RPS6KC1: variants seen among roughly 807,000 people sequenced by gnomAD.
RPS6KC1 encodes ribosomal protein S6 kinase C1, also known as inactive ribosomal protein S6 kinase delta-1.
Under a neutral mutation model 103.8 loss-of-function variants are expected in RPS6KC1, and 54 were observed. The ratio of observed to expected loss-of-function variants is 0.52; its 90% CI spans 0.42 to 0.65. The LOEUF (loss-of-function observed/expected upper bound fraction) is 0.65, where lower values mean the gene tolerates loss of function less well. Ranked by LOEUF, RPS6KC1 falls within the 30% of genes least tolerant of loss-of-function variation. The pLI is 0.00. For synonymous variants in RPS6KC1, 439 were observed against 438.7 expected, an observed-to-expected ratio of 1.00 and a Z score of -0.01; for missense variants, 1,151 against 1,253.8, an observed-to-expected ratio of 0.92 and a Z score of 1.24.
At chr1:213,591,205 G>A in the RPS6KC1 span, among the ~76,000 whole-genome samples, 1 of 152,176 alleles carries the variant, frequency 6.6e-6, no homozygotes, top group Admixed American at 6.5e-5. Context: ...CATCACCTGT[G>A]TGCTGAGCAT....
chr1:213,161,665 TAAC>T lies in RPS6KC1; in HGVS notation c.836-6191_836-6189del, dbSNP rs555243273. Among the ~76,000 whole-genome samples the T allele has an allele frequency of 3.3e-4, 50 of 152,322 alleles. No homozygotes were observed. The East Asian group carries it at 9.1e-3, about 28-fold the overall frequency. On this transcript the variant is annotated intron_variant, in intron 6 of 14. Transcript: ENST00000366960. ...AATATGGAGATATATCTGTTTGTGT[TAAC>T]AGCCATTTGAAAAAAGATGAAATGG...
chr1:213,746,077 GAC>G, the RPS6KC1 span, among the ~76,000 whole-genome samples: 1 of 152,168 alleles, frequency 6.6e-6, no homozygotes. Flanking sequence ...GAACAAAAGA[GAC>G]ACAGATCTCT....
chr1:213,513,232 G>A, the RPS6KC1 span, among the ~76,000 whole-genome samples: 3 of 152,136 alleles, frequency 2.0e-5, no homozygotes, highest in Admixed American at 1.3e-4. Flanking sequence ...GTGGGGAAGA[G>A]CAAGGGAAAG....
chr1:213,357,082 C>T, the RPS6KC1 span, among the ~76,000 whole-genome samples: 1 of 152,098 alleles, frequency 6.6e-6, no homozygotes, highest in East Asian at 1.9e-4. Context: ...CCAATTTTCT[C>T]AGCCTACCAT....
chr1:213,409,434 C>G, the RPS6KC1 span, among the ~76,000 whole-genome samples: 1 of 151,756 alleles, frequency 6.6e-6, no homozygotes, highest in South Asian at 2.1e-4. Flanking sequence ...TGATCTTTGG[C>G]CAGAGGGACA....
chr1:213,237,644 G>T (rs1245344556), intron 10 of RPS6KC1, among the ~76,000 whole-genome samples: 1 of 151,852 alleles, frequency 6.6e-6, no homozygotes, highest in Admixed American at 6.6e-5. Context: ...TGAAATTTAA[G>T]TCCTAATTCT....
At chr1:213,104,961 AT>A (rs2082339371) in intron 4 of RPS6KC1, among the ~76,000 whole-genome samples, 1 of 152,150 alleles carries the variant, frequency 6.6e-6, no homozygotes, top group South Asian at 2.1e-4. Context: ...ATTGAAATAC[AT>A]TAAAAAAAAT....
chr1:213,543,858 T>C, the RPS6KC1 span, among the ~76,000 whole-genome samples: 1 of 152,164 alleles, frequency 6.6e-6, no homozygotes, highest in African/African-American at 2.4e-5. Context: ...TTAGGGATGG[T>C]CGTGACAGGA....
At chr1:213,423,904 C>A in the RPS6KC1 span, among the ~76,000 whole-genome samples, 1 of 152,186 alleles carries the variant, frequency 6.6e-6, no homozygotes, top group East Asian at 1.9e-4. Flanking sequence ...AAGGTGCTAA[C>A]GCAATAATAC....
the RPS6KC1 span, among the ~76,000 whole-genome samples, chr1:213,453,924 A>G: frequency 6.6e-6 from 1 of 152,236 alleles, no homozygotes; most frequent in African/African-American, 2.4e-5. Flanking sequence ...GAGATTTGCA[A>G]CAAGTTGAAA....
the RPS6KC1 span, among the ~76,000 whole-genome samples, chr1:213,452,343 A>AC: frequency 1.3e-5 from 2 of 151,856 alleles, no homozygotes; most frequent in Non-Finnish European, 2.9e-5. Flanking sequence ...AGGAAAAAAA[A>AC]AAAAAAGGAA....
chr1:213,797,570 CACGGGAAGTCCTTAAGA>C, the RPS6KC1 span, among the ~76,000 whole-genome samples: 1 of 152,194 alleles, frequency 6.6e-6, no homozygotes, highest in Non-Finnish European at 1.5e-5. Context: ...CTATCCTCTG[CACGGGAAGTCCTTAAGA>C]AAGGGTTTGG....
At chr1:213,807,293 G>A in the RPS6KC1 span, among the ~76,000 whole-genome samples, 9 of 152,204 alleles carry the variant, frequency 5.9e-5, no homozygotes, top group South Asian at 1.2e-3. Context: ...TGTTTGTGGC[G>A]TTCTCTGTAT....
the RPS6KC1 span, among the ~76,000 whole-genome samples, chr1:213,860,968 C>T: frequency 6.6e-6 from 1 of 151,936 alleles, no homozygotes; most frequent in Non-Finnish European, 1.5e-5. Context: ...ACCAACATAC[C>T]CTGCTAATTT....
the RPS6KC1 span, among the ~76,000 whole-genome samples, chr1:213,416,148 C>T: frequency 1.3e-5 from 2 of 152,204 alleles, no homozygotes; most frequent in East Asian, 3.9e-4. Flanking sequence ...GCACCCGGCA[C>T]TCTGCTGGAT....
the RPS6KC1 span, among the ~76,000 whole-genome samples, chr1:213,714,818 G>C: frequency 6.6e-6 from 1 of 152,330 alleles, no homozygotes; most frequent in South Asian, 2.1e-4. Context: ...GCCGCTGGTG[G>C]GGGTGGAGGA....
chr1:213,220,449 C>T (rs2093802820), intron 8 of RPS6KC1, among the ~76,000 whole-genome samples: 2 of 152,146 alleles, frequency 1.3e-5, no homozygotes. Flanking sequence ...GCCTCAGCCT[C>T]CCAAGTAACT....
intron 6 of RPS6KC1, among the ~76,000 whole-genome samples, chr1:213,143,482 A>C (rs1449317189): frequency 2.6e-5 from 4 of 151,826 alleles, no homozygotes; most frequent in African/African-American, 9.7e-5. Flanking sequence ...CATTCTACTT[A>C]CATGAAGTCT....
chr1:213,112,714 C>T (rs2083155618), intron 4 of RPS6KC1, among the ~76,000 whole-genome samples: 1 of 151,774 alleles, frequency 6.6e-6, no homozygotes, highest in African/African-American at 2.4e-5. Flanking sequence ...TCCCTCCCCT[C>T]TCCCCCCACC....
Sources: gnomAD v4.1 joint callset for allele counts (sites outside exome capture counted in the v4.1 genomes callset) on GRCh38, gnomAD v4.1.1 for gene constraint, MANE v1.5 for transcripts, NCBI Gene and HGNC (gene_info 2026-07-23, HGNC 2026-07-21) for gene names.